Variants in RANBP2 observed in about 807,000 individuals in gnomAD.
The protein encoded by RANBP2 is E3 SUMO-protein ligase RanBP2.
RANBP2 carries 57 observed loss-of-function variants against 303.6 expected under a neutral mutation model. The ratio of observed to expected loss-of-function variants is 0.19; its 90% CI spans 0.15 to 0.23. The LOEUF (loss-of-function observed/expected upper bound fraction) is 0.23, where lower values mean the gene tolerates loss of function less well. Among genes scored for constraint, RANBP2 ranks in the 10% least tolerant of loss-of-function variants. The pLI is 1.00. For missense variants in RANBP2, 3,138 were observed against 3,780.8 expected, an observed-to-expected ratio of 0.83 and a Z score of 4.46; for synonymous variants, 1,167 against 1,301.5, an observed-to-expected ratio of 0.90 and a Z score of 2.23.
the RANBP2 span, among the ~76,000 whole-genome samples, chr2:109,249,963 C>T: frequency 2.0e-5 from 3 of 151,894 alleles, no homozygotes; most frequent in Admixed American, 1.3e-4. Flanking sequence ...GGATTACAGG[C>T]GTGAGCCACC....
the RANBP2 span, among the ~76,000 whole-genome samples, chr2:109,228,900 G>A: frequency 2.0e-5 from 3 of 152,170 alleles, no homozygotes; most frequent in South Asian, 6.2e-4. Flanking sequence ...ACAATATCCA[G>A]CCCCTCTGCC....
intron 5 of RANBP2, 81 bp downstream of exon 5, chr2:108,735,843 G>T (rs189547420): frequency 6.3e-6 from 10 of 1,594,620 alleles, no homozygotes; most frequent in Middle Eastern, 2.3e-4. Flanking sequence ...GCAGTGCCCC[G>T]CAGGACTTAA....
the RANBP2 span, among the ~76,000 whole-genome samples, chr2:109,402,874 G>T: frequency 6.6e-6 from 1 of 152,162 alleles, no homozygotes; most frequent in African/African-American, 2.4e-5. Flanking sequence ...ACGTTGCACT[G>T]GGTTCTGTAG....
the RANBP2 span, among the ~76,000 whole-genome samples, chr2:108,988,451 C>A: frequency 6.6e-6 from 1 of 152,150 alleles, no homozygotes; most frequent in African/African-American, 2.4e-5. Flanking sequence ...CCTCTCCCCG[C>A]TCCCCCGCCA....
the RANBP2 span, among the ~76,000 whole-genome samples, chr2:109,509,654 A>G: frequency 6.6e-6 from 1 of 152,070 alleles, no homozygotes; most frequent in African/African-American, 2.4e-5. Context: ...CGAATAACAT[A>G]CATGACATGT....
At chr2:109,291,100 A>C in the RANBP2 span, among the ~76,000 whole-genome samples, 1 of 152,202 alleles carries the variant, frequency 6.6e-6, no homozygotes, top group Non-Finnish European at 1.5e-5. Context: ...AAAGGTGTCC[A>C]GAACCAGTCA....
At chr2:109,621,913 A>AT in the RANBP2 span, among the ~76,000 whole-genome samples, 1 of 127,492 alleles carries the variant, frequency 7.8e-6, no homozygotes, top group Admixed American at 8.7e-5. Flanking sequence ...ACTCCATCTC[A>AT]AAAATAAATA....
Position 108,765,220 on chromosome 2 carries a change from A to G in RANBP2, c.4681A>G (p.Thr1561Ala), listed in dbSNP as rs150866222. ...SCLVRNEANA[T>A]RCVACQNPDK... ...CTTAGTGCGAAATGAAGCAAATGCTACAAGATGTGTTGCTTGTCAGAATCC... is the reference window on the plus strand; with the variant it reads ...CTTAGTGCGAAATGAAGCAAATGCTGCAAGATGTGTTGCTTGTCAGAATCC... The change falls in exon 20 of 29, where the codon ACA (threonine) becomes GCA (alanine). Residue 1561 changes from threonine (T) to alanine (A), a missense_variant. Around this residue, in one of 20 missense-constraint regions of RANBP2, gnomAD observed 388 missense variants for 328.5 expected, o/e 1.18. Coordinates refer to ENST00000283195, the MANE Select transcript of RANBP2 (RefSeq NM_006267.5). 4.3e-6 allele frequency: 7 copies of G among 1,614,038 alleles called. No individual in the cohort carries two copies. The highest frequency in any genetic ancestry group is 1.3e-5 in the African/African-American group (1 of 74,928).
the RANBP2 span, among the ~76,000 whole-genome samples, chr2:108,849,229 A>T: frequency 6.6e-6 from 1 of 152,214 alleles, no homozygotes; most frequent in Non-Finnish European, 1.5e-5. Flanking sequence ...GAGTTTTGAG[A>T]CAAAATCATA....
the RANBP2 span, among the ~76,000 whole-genome samples, chr2:108,828,829 T>G: frequency 6.6e-6 from 1 of 151,970 alleles, no homozygotes; most frequent in Non-Finnish European, 1.5e-5. Flanking sequence ...ATACCAAAAA[T>G]TAGCCAGTCA....
chr2:109,358,951 C>CTAT, the RANBP2 span, among the ~76,000 whole-genome samples: 1 of 152,120 alleles, frequency 6.6e-6, no homozygotes. Context: ...ATATTGAGTT[C>CTAT]ATTTTTGTGA....
chr2:109,513,416 C>G, the RANBP2 span, among the ~76,000 whole-genome samples: 1 of 151,914 alleles, frequency 6.6e-6, no homozygotes, highest in Admixed American at 6.6e-5. Context: ...ACTCCACATG[C>G]ATACACACTA....
At chr2:109,482,438 G>A in the RANBP2 span, among the ~76,000 whole-genome samples, 1 of 152,158 alleles carries the variant, frequency 6.6e-6, no homozygotes, top group African/African-American at 2.4e-5. Flanking sequence ...GCAGCATCAC[G>A]CACTTCCCGC....
intron 8 of RANBP2, among the ~76,000 whole-genome samples, chr2:108,747,069 G>C (rs1328542214): frequency 6.6e-6 from 1 of 152,146 alleles, no homozygotes; most frequent in Non-Finnish European, 1.5e-5. Flanking sequence ...TGAATATTTA[G>C]TCACTTCCTG....
chr2:109,555,283 C>A, the RANBP2 span, among the ~76,000 whole-genome samples: 1 of 152,180 alleles, frequency 6.6e-6, no homozygotes, highest in East Asian at 1.9e-4. Context: ...TCTCACCAAA[C>A]AATTCTGATA....
chr2:109,080,341 G>C, the RANBP2 span, among the ~76,000 whole-genome samples: 1 of 152,162 alleles, frequency 6.6e-6, no homozygotes, highest in African/African-American at 2.4e-5. Context: ...GCCCCATCAG[G>C]AGCCTGCCAT....
the RANBP2 span, among the ~76,000 whole-genome samples, chr2:108,937,935 C>G: frequency 3.3e-5 from 5 of 152,286 alleles, no homozygotes; most frequent in East Asian, 9.6e-4. Context: ...ATCCAAGTTC[C>G]CAAGTTTCCT....
chr2:109,412,848 A>G, the RANBP2 span, among the ~76,000 whole-genome samples: 8 of 152,270 alleles, frequency 5.3e-5, no homozygotes, highest in Non-Finnish European at 8.8e-5. Flanking sequence ...ACTTCTTGCC[A>G]TGAAAATACA....
chr2:109,736,965 A>G, the RANBP2 span, among the ~76,000 whole-genome samples: 1 of 152,164 alleles, frequency 6.6e-6, no homozygotes, highest in South Asian at 2.1e-4. Flanking sequence ...AAGCTGAAAA[A>G]AAAAAAGAAG....
Sources: gnomAD v4.1 joint callset for allele counts (sites outside exome capture counted in the v4.1 genomes callset) on GRCh38, gnomAD v4.1.1 for gene constraint, gnomAD v4.1.1 regional missense constraint, MANE v1.5 for transcripts, NCBI Gene and HGNC (gene_info 2026-07-23, HGNC 2026-07-21) for gene names.